Variants in WDR59 observed in about 807,000 individuals in gnomAD.
The protein encoded by WDR59 is WD repeat domain 59, also known as GATOR2 complex protein WDR59.
Under a neutral mutation model 131.2 loss-of-function variants are expected in WDR59, and 100 were observed. The ratio of observed to expected loss-of-function variants is 0.76; its 90% CI spans 0.65 to 0.90. WDR59 has a LOEUF of 0.90. Among genes scored for constraint, WDR59 ranks in the 40% least tolerant of loss-of-function variants. The probability of loss-of-function intolerance (pLI) is 0.00; values close to 1 mark genes in which losing one functional copy is unlikely to be tolerated. For missense variants in WDR59, 1,203 were observed against 1,262.2 expected (o/e 0.95, Z 0.71); for synonymous variants, 601 against 466.2 (o/e 1.29, Z -3.72).
rs762288713 is a variant in WDR59, at chr16:74,906,313, C to CAAAAAAAAAA, written c.1713-2223_1713-2214dup. On this transcript the variant is annotated intron_variant, in intron 17 of 25. Transcript: ENST00000262144. The stretch of plus-strand genomic sequence containing the variant: ...TGAGCGACAGAGCAAGACTCCGTCT[C>CAAAAAAAAAA]AAAAAAAAAAAAACCCACAGTGAGA... Among the ~76,000 whole-genome samples, 23 of 32,462 alleles carry CAAAAAAAAAA rather than the reference C, an allele frequency of 7.1e-4. 5 individuals are homozygous for CAAAAAAAAAA. Among genetic ancestry groups the CAAAAAAAAAA allele is most frequent in the East Asian group, 2.2e-3 (1 of 454 alleles). The allele number at this position is 32,462 out of a possible 152,430, so 21.3% of individuals were successfully genotyped here.
chr16:74,944,495 G>T (rs2032463927), intron 6 of WDR59, among the ~76,000 whole-genome samples: 1 of 151,558 alleles, frequency 6.6e-6, no homozygotes, highest in South Asian at 2.1e-4. Context: ...TTACACCAGG[G>T]TCGAATGGAG....
intron 9 of WDR59, among the ~76,000 whole-genome samples, chr16:74,922,950 G>T (rs73605959): frequency 6.6e-6 from 1 of 152,108 alleles, no homozygotes; most frequent in Non-Finnish European, 1.5e-5. Flanking sequence ...CCATCCCTGT[G>T]CTAGCTTTCA....
chr16:74,969,483 G>A (rs2033898627), intron 1 of WDR59, among the ~76,000 whole-genome samples: 1 of 152,090 alleles, frequency 6.6e-6, no homozygotes, highest in African/African-American at 2.4e-5. Flanking sequence ...GTGTTAGCCA[G>A]GATGGTCTCA....
At chr16:74,924,667 G>A (rs562467636) in intron 8 of WDR59, among the ~76,000 whole-genome samples, 42 of 152,290 alleles carry the variant, frequency 2.8e-4, no homozygotes, top group African/African-American at 7.7e-4. Flanking sequence ...AGACACATAC[G>A]CTTAGAACTC....
intron 1 of WDR59, among the ~76,000 whole-genome samples, chr16:74,969,368 G>A (rs144801506): frequency 0.043 from 6,581 of 151,706 alleles, 198 homozygotes; most frequent in Middle Eastern, 0.12. Flanking sequence ...CACCTCCCAG[G>A]TTCAAGTGAT....
At chr16:74,930,892 C>CAAAAAAAAAAAAAAAAAAAAAACAA (rs2031323023) in intron 8 of WDR59, 1 of 79,628 alleles carries the variant, frequency 1.3e-5, no homozygotes, top group African/African-American at 5.2e-5. Context: ...GACTCCATCT[C>CAAAAAAAAAAAAAAAAAAAAAACAA]AAAAAAAAAA....
rs531487475 is a variant in WDR59 at position 74,928,602 on chromosome 16, T to C, written c.652-4599A>G. On this transcript the variant is annotated intron_variant, in intron 8 of 25. Transcript: ENST00000262144. Reference sequence around the variant, plus strand: ...AGTTATGCAATTATCCTTAGTTTTATGTTAAAATACTCCAATGAAATGGGT... The same window carrying C: ...AGTTATGCAATTATCCTTAGTTTTACGTTAAAATACTCCAATGAAATGGGT... 3.3e-5 allele frequency among the ~76,000 whole-genome samples: 5 copies of C among 152,202 alleles called. No homozygotes were observed. The South Asian group carries it at 8.3e-4, about 25-fold the overall frequency.
intron 1 of WDR59, among the ~76,000 whole-genome samples, chr16:74,980,009 C>T (rs1361849390): frequency 6.6e-6 from 1 of 151,244 alleles, no homozygotes; most frequent in African/African-American, 2.4e-5. Flanking sequence ...CCACCACGCC[C>T]AGCTAATTTT....
At chr16:74,909,953 C>T (rs371946703) in intron 14 of WDR59, 36 bp from the exon 15 acceptor site, 2 of 1,342,538 alleles carry the variant, frequency 1.5e-6, no homozygotes, top group East Asian at 2.3e-5. Flanking sequence ...AGAAGAGGAA[C>T]ACATTTCTCT....
chr16:74,945,001 G>A (rs1308055430), intron 6 of WDR59, among the ~76,000 whole-genome samples: 1 of 152,068 alleles, frequency 6.6e-6, no homozygotes, highest in African/African-American at 2.4e-5. Flanking sequence ...GCCCATGCCT[G>A]CAGTCCCAGC....
At chr16:74,889,573 G>A (rs1964939650) in intron 21 of WDR59, 130 bp downstream of exon 21, 2 of 672,196 alleles carry the variant, frequency 3.0e-6, no homozygotes, top group African/African-American at 1.8e-5. Context: ...AGCACTGAAA[G>A]GAAAGATCCT....
intron 24 of WDR59, chr16:74,886,067 A>C (rs895038335): frequency 4.3e-6 from 3 of 705,512 alleles, no homozygotes; most frequent in African/African-American, 3.6e-5. Context: ...AATCCCAGCT[A>C]CTCAGGAGGC....
intron 24 of WDR59, 200 bp downstream of exon 24, chr16:74,886,070 C>CGG: frequency 1.4e-6 from 1 of 721,794 alleles, no homozygotes; most frequent in Non-Finnish European, 2.2e-6. Flanking sequence ...CCCAGCTACT[C>CGG]AGGAGGCTGA....
rs2034427725 is a variant in WDR59 at position 74,981,651 on chromosome 16, TATATATA to T, written c.54+3306_54+3312del. On this transcript the variant is annotated intron_variant, in intron 1 of 25. Coordinates refer to ENST00000262144, the MANE Select transcript of WDR59 (RefSeq NM_030581.4). ...ATATATATATATATATATATATATA[TATATATA>T]TATTTTTTTTTTTTTTAGATGGAGT... Among the ~76,000 whole-genome samples, 21 of 5,982 alleles carry T rather than the reference TATATATA, an allele frequency of 3.5e-3. 3 individuals carry two copies. Among genetic ancestry groups the T allele is most frequent in the Non-Finnish European group, 6.0e-3 (10 of 1,658 alleles). 3.9% of individuals were successfully genotyped at this position (5,982 alleles called of 152,430 possible).
chr16:74,955,152 G>A (rs557607599), intron 3 of WDR59, among the ~76,000 whole-genome samples: 2 of 152,286 alleles, frequency 1.3e-5, no homozygotes, highest in East Asian at 3.9e-4. Flanking sequence ...TAGCACTCCC[G>A]AACAAATGCA....
At chr16:74,943,906 TTG>T (rs2032416764) in intron 6 of WDR59, among the ~76,000 whole-genome samples, 2 of 152,250 alleles carry the variant, frequency 1.3e-5, no homozygotes, top group Admixed American at 1.3e-4. Context: ...TTGTTCTTTC[TTG>T]AGACATAAGG....
chr16:74,926,137 G>A (rs561635479), intron 8 of WDR59, among the ~76,000 whole-genome samples: 2 of 143,568 alleles, frequency 1.4e-5, no homozygotes, highest in South Asian at 2.2e-4. Flanking sequence ...TCGGCTCACT[G>A]CAACCTCCGC....
Position 74,910,068 on chromosome 16 carries a change from A to G in WDR59, c.1390-151T>C, listed in dbSNP as rs1224253317. The G allele has an allele frequency of 8.1e-5, 52 of 645,794 alleles. No individual in the cohort carries two copies. In the East Asian group the frequency reaches 1.6e-3, roughly 20 times the overall value. The allele number at this position is 645,794 out of a possible 1,614,324, so 40.0% of individuals were successfully genotyped here. On this transcript the variant is annotated intron_variant, in intron 14 of 25. Coordinates refer to ENST00000262144, the MANE Select transcript of WDR59 (RefSeq NM_030581.4). ...TTGCAACCTCTGCCTCCCGTCTTCA[A>G]GTGATTCTTGTGCCTCAGCCTCCCG... is the stretch of plus-strand genomic sequence containing the variant.
chr16:74,984,954 T>C lies in WDR59; in HGVS notation c.54+10A>G, dbSNP rs1338772852. The C allele has an allele frequency of 1.9e-6, 3 of 1,603,632 alleles. No homozygotes were observed. In the East Asian group the frequency reaches 6.7e-5, roughly 36 times the overall value. The stretch of plus-strand genomic sequence containing the variant: ...CATGCCCAGAGGGCTCCACTCGGCC[T>C]CTAGCTCACCTGGGAGTCACGGAAC... On this transcript the variant is annotated intron_variant, in intron 1 of 25. Transcript: ENST00000262144.
Sources: allele counts gnomAD v4.1 joint callset (sites outside exome capture counted in the v4.1 genomes callset), GRCh38; gene constraint gnomAD v4.1.1; transcripts MANE v1.5; gene names NCBI Gene and HGNC (gene_info 2026-07-23, HGNC 2026-07-21).